The following PCDHA4 variants were observed in gnomAD, a reference collection of about 807,000 sequenced individuals.
PCDHA4 encodes the protein protocadherin alpha-4.
Under a neutral mutation model 61.4 loss-of-function variants are expected in PCDHA4, and 49 were observed. The observed-to-expected ratio is 0.80, with a 90% CI of 0.63 to 1.01. The LOEUF is 1.01. Among genes scored for constraint, PCDHA4 ranks in the 50% least tolerant of loss-of-function variants. PCDHA4 has a pLI of 0.00. For missense variants in PCDHA4, 1,254 were observed against 1,235.8 expected, an observed-to-expected ratio of 1.01 and a Z score of -0.22; for synonymous variants, 590 against 550.3, an observed-to-expected ratio of 1.07 and a Z score of -1.01.
intron 1 of PCDHA4, chr5:140,875,959 G>A: frequency 1.2e-6 from 2 of 1,614,070 alleles, no homozygotes; most frequent in South Asian, 1.1e-5. Flanking sequence ...TGCGGATATC[G>A]GCGTAAACTC....
chr5:140,858,178 G>A (rs887914398), intron 1 of PCDHA4: 1 of 1,597,564 alleles, frequency 6.3e-7, no homozygotes, highest in East Asian at 2.2e-5. Flanking sequence ...GCTTGCTGGT[G>A]CTCACGCTGC....
chr5:140,948,912 C>A (rs1038670333), intron 1 of PCDHA4, among the ~76,000 whole-genome samples: 1 of 150,924 alleles, frequency 6.6e-6, no homozygotes, highest in Non-Finnish European at 1.5e-5. Context: ...TCTTAGGTAA[C>A]TGATTAGGTA....
rs782401003 is a variant in PCDHA4, at chr5:140,858,196, C to T, written c.2385+48624C>T. 3 of 1,597,174 alleles carry T rather than the reference C, an allele frequency of 1.9e-6. No individual in the cohort carries two copies. The East Asian group carries it at 6.7e-5, about 36-fold the overall frequency. On this transcript the variant is annotated intron_variant, in intron 1 of 3. Coordinates refer to ENST00000530339, the MANE Select transcript of PCDHA4 (RefSeq NM_018907.4). ...TGCTGGTGCTCACGCTGCTGCTGTA[C>T]ACTGCACTGAGGTGCTCGGCGGCGC...
intron 1 of PCDHA4, chr5:140,857,965 T>C: frequency 6.3e-7 from 1 of 1,597,084 alleles, no homozygotes; most frequent in Non-Finnish European, 8.6e-7. Context: ...TGGATGAGAC[T>C]GACTCGCCAC....
intron 1 of PCDHA4, chr5:140,927,089 T>G: frequency 6.2e-7 from 1 of 1,612,460 alleles, no homozygotes; most frequent in Non-Finnish European, 8.5e-7. Flanking sequence ...GAGCTCTACT[T>G]CGGGGTGGAT....
chr5:140,845,916 T>G (rs1288140729), intron 1 of PCDHA4, among the ~76,000 whole-genome samples: 2 of 149,722 alleles, frequency 1.3e-5, no homozygotes, highest in African/African-American at 4.9e-5. Context: ...ATTAATCTTA[T>G]TTTTGTGTAA....
chr5:140,861,207 AC>A (rs2046795908), intron 1 of PCDHA4: 1 of 165,948 alleles, frequency 6.0e-6, no homozygotes, highest in East Asian at 1.8e-4. Context: ...TGTTTTACTA[AC>A]CAAAAGAGAG....
At chr5:140,968,166 C>G (rs782037307) in intron 1 of PCDHA4, 1 of 1,614,004 alleles carries the variant, frequency 6.2e-7, no homozygotes, top group Non-Finnish European at 8.5e-7. Flanking sequence ...GACAATCCAC[C>G]AAGCTTCCTG....
At chr5:140,812,904 C>T (rs2126642538) in intron 1 of PCDHA4, 3 of 152,164 alleles carry the variant, frequency 2.0e-5, no homozygotes, top group Admixed American at 6.5e-5. Flanking sequence ...AACAGAATTT[C>T]GTTCAAAATT....
intron 1 of PCDHA4, among the ~76,000 whole-genome samples, chr5:140,818,022 T>A (rs1766264873): frequency 6.6e-6 from 1 of 152,256 alleles, no homozygotes; most frequent in South Asian, 2.1e-4. Context: ...ACAGCTTTAC[T>A]ATCATGTGCC....
chr5:140,994,747 G>A (rs2097648455), intron 3 of PCDHA4, among the ~76,000 whole-genome samples: 1 of 152,152 alleles, frequency 6.6e-6, no homozygotes, highest in Non-Finnish European at 1.5e-5. Context: ...ATGGCAAGTA[G>A]GATGTGGAGA....
chr5:140,943,305 CATT>C (rs1322564942), intron 1 of PCDHA4, among the ~76,000 whole-genome samples: 13 of 146,998 alleles, frequency 8.8e-5, no homozygotes, highest in African/African-American at 3.0e-4. Flanking sequence ...TTTGGGAAGT[CATT>C]ATTAGCAATA....
chr5:140,935,353 T>C (rs2090328143), intron 1 of PCDHA4, among the ~76,000 whole-genome samples: 1 of 152,184 alleles, frequency 6.6e-6, no homozygotes, highest in Non-Finnish European at 1.5e-5. Flanking sequence ...CAAATCCCAG[T>C]TTTCATTAAC....
intron 2 of PCDHA4, 37 bp from the exon 3 acceptor site, chr5:140,982,438 T>G: frequency 3.8e-5 from 61 of 1,608,838 alleles, no homozygotes; most frequent in Non-Finnish European, 4.8e-5. Context: ...AAAGAATTTA[T>G]GATCTAACCG....
chr5:140,829,339 G>A (rs1770234553), intron 1 of PCDHA4: 1 of 1,614,278 alleles, frequency 6.2e-7, no homozygotes, highest in Non-Finnish European at 8.5e-7. Flanking sequence ...TGGACCGCGA[G>A]AGCGTGTCGG....
At chr5:140,914,426 A>T (rs1554196349) in intron 1 of PCDHA4, among the ~76,000 whole-genome samples, 1 of 152,140 alleles carries the variant, frequency 6.6e-6, no homozygotes. Context: ...TTAGCAAGGA[A>T]TATCTTTTCC....
chr5:140,828,194 G>C, intron 1 of PCDHA4: 1 of 1,614,066 alleles, frequency 6.2e-7, no homozygotes, highest in Non-Finnish European at 8.5e-7. Flanking sequence ...CCACTACTCC[G>C]TACCCGAGGA....
intron 1 of PCDHA4, chr5:140,852,270 CAT>C (rs1193934371): frequency 1.4e-5 from 7 of 503,434 alleles, no homozygotes; most frequent in South Asian, 1.7e-4. Context: ...TACAATATTA[CAT>C]GTTTTTTGTC....
rs185799175 is a variant in PCDHA4, at chr5:140,887,220, C to G, written c.2385+77648C>G. ...CACGCCATTCTCCTGCCTCAGCCTC[C>G]CGAGTAGCTGAGACTACCGGCGCCC... On this transcript the variant is annotated intron_variant, in intron 1 of 3. Coordinates refer to ENST00000530339, the MANE Select transcript of PCDHA4 (RefSeq NM_018907.4). Among the ~76,000 whole-genome samples, 14 of 152,078 alleles carry G rather than the reference C, an allele frequency of 9.2e-5. No individual in the cohort carries two copies. In the East Asian group the frequency reaches 2.7e-3, roughly 30 times the overall value.
Sources: gnomAD v4.1 joint callset for allele counts (sites outside exome capture counted in the v4.1 genomes callset) on GRCh38, gnomAD v4.1.1 for gene constraint, MANE v1.5 for transcripts, NCBI Gene and HGNC (gene_info 2026-07-23, HGNC 2026-07-21) for gene names.